ABCB9: variants seen among roughly 807,000 people sequenced by gnomAD.
ABCB9 encodes ABC-type oligopeptide transporter ABCB9.
A neutral mutation model predicts 62.0 loss-of-function variants in ABCB9; 36 were observed. That is an observed-to-expected ratio of 0.58 (90% CI 0.45 to 0.77). ABCB9 has a LOEUF of 0.77. Among genes scored for constraint, ABCB9 ranks in the 30% least tolerant of loss-of-function variants. The probability of loss-of-function intolerance (pLI) is 0.00; values close to 1 mark genes in which losing one functional copy is unlikely to be tolerated. For synonymous variants in ABCB9, 435 were observed against 461.4 expected, an observed-to-expected ratio of 0.94 and a Z score of 0.73; for missense variants, 943 against 1,054.7, an observed-to-expected ratio of 0.89 and a Z score of 1.47.
At chr12:122,925,248 C>G (rs1306067610), downstream of ABCB9, among the ~76,000 whole-genome samples, 5 of 152,114 alleles carry the variant, frequency 3.3e-5, no homozygotes, top group Non-Finnish European at 7.4e-5. Flanking sequence ...AAAACAAAAA[C>G]AAAACCAGAA....
intron 2 of ABCB9, among the ~76,000 whole-genome samples, chr12:122,956,753 C>T (rs564557280): frequency 3.9e-5 from 6 of 152,230 alleles, no homozygotes; most frequent in African/African-American, 9.6e-5. Context: ...CTCCTGACCT[C>T]AGGTGATCCA....
chr12:122,931,772 T>C (rs759042215), intron 11 of ABCB9: 19 of 181,878 alleles, frequency 1.0e-4, no homozygotes, highest in Non-Finnish European at 1.4e-4. Flanking sequence ...GCCTCCCAAG[T>C]AGCTGGGATT....
At chr12:122,962,377 G>A (rs1306248470) in intron 1 of ABCB9, among the ~76,000 whole-genome samples, 1 of 152,188 alleles carries the variant, frequency 6.6e-6, no homozygotes, top group East Asian at 1.9e-4. Flanking sequence ...CCCAAGAGGA[G>A]GGGTGAGGCG....
chr12:122,972,855 A>G (rs1426332670), intron 1 of ABCB9: 1 of 152,232 alleles, frequency 6.6e-6, no homozygotes, highest in Admixed American at 6.5e-5. Context: ...ACACATATAC[A>G]GACATATACA....
At position 122,929,963 on chromosome 12, in the gene ABCB9, T is replaced by C; in HGVS notation, c.2249A>G (p.Asp750Gly). Reference sequence around the variant, plus strand: ...AGGCTCGTTGTGGCCAGCTGTGAAGTCTGCGGCGGGCTGAAGCCCCAGCAT... The same window carrying C: ...AGGCTCGTTGTGGCCAGCTGTGAAGCCTGCGGCGGGCTGAAGCCCCAGCAT... Reference protein sequence around the residue: ...RQMLGLQPAADFTAGHNEPVA... With the variant: ...RQMLGLQPAAGFTAGHNEPVA... The change falls in exon 12 of 12, where the codon GAC becomes GGC. Residue 750 changes from aspartate (D) to glycine (G), a missense_variant. By Grantham distance (94) the Asp-to-Gly change is moderately conservative. Transcript: ENST00000280560. The surrounding 1 kb of genome is among the most constrained non-coding windows in gnomAD (Gnocchi z 6.0). 6.3e-7 allele frequency: 1 copy of C among 1,582,080 alleles called. No individual in the cohort carries two copies. Among genetic ancestry groups the C allele is most frequent in the South Asian group, 1.1e-5 (1 of 87,952 alleles).
chr12:122,935,120 G>A (rs965444302), intron 10 of ABCB9, 152 bp downstream of exon 10: 12 of 922,730 alleles, frequency 1.3e-5, no homozygotes, highest in Admixed American at 9.9e-5. Flanking sequence ...TTGCTTGAGC[G>A]CAGGAGGTTC....
chr12:122,952,970 C>G (rs548001481), intron 2 of ABCB9: 1 of 152,260 alleles, frequency 6.6e-6, no homozygotes, highest in African/African-American at 2.4e-5. Flanking sequence ...TCTTGTTGCT[C>G]CTTGGCTCAA....
chr12:122,933,891 AAG>A (rs1219452554), intron 10 of ABCB9, among the ~76,000 whole-genome samples: 1 of 152,126 alleles, frequency 6.6e-6, no homozygotes, highest in East Asian at 1.9e-4. Context: ...CACTTTTTTA[AAG>A]AGAGAACACT....
intron 10 of ABCB9, among the ~76,000 whole-genome samples, chr12:122,934,425 T>C (rs2035353267): frequency 6.6e-6 from 1 of 152,036 alleles, no homozygotes; most frequent in Admixed American, 6.6e-5. Context: ...CTGGATACAA[T>C]GGCTCATGCC....
chr12:122,937,056 C>A (rs2035492485), intron 9 of ABCB9, among the ~76,000 whole-genome samples: 1 of 151,826 alleles, frequency 6.6e-6, no homozygotes, highest in African/African-American at 2.4e-5. Flanking sequence ...AGAGTGAGAT[C>A]CTATCTCAAA....
chr12:122,966,662 G>T (rs899339914), upstream of ABCB9, among the ~76,000 whole-genome samples: 2 of 152,228 alleles, frequency 1.3e-5, no homozygotes, highest in African/African-American at 4.8e-5. Flanking sequence ...CTGGGGGCGG[G>T]GCCACAGCTG....
At chr12:122,943,600 G>A (rs1458036237) in intron 7 of ABCB9, among the ~76,000 whole-genome samples, 2 of 152,088 alleles carry the variant, frequency 1.3e-5, no homozygotes, top group Non-Finnish European at 2.9e-5. Flanking sequence ...AAAGGGTGTT[G>A]CTGTCACTTG....
chr12:122,947,600 C>A lies in ABCB9; in HGVS notation c.1053+1024G>T. ...GGGTCACAGCCCTGCCTGTCTGAAC[C>A]CAGCCTGTCTGTCCCTTAGGGCTCG... On this transcript the variant is annotated intron_variant, in intron 5 of 11. Transcript: ENST00000280560. The surrounding 1 kb of genome is among the most constrained non-coding windows in gnomAD (Gnocchi z 6.0). 2.9e-6 allele frequency: 1 copy of A among 350,774 alleles called. No homozygotes were observed. The highest frequency in any genetic ancestry group is 6.0e-6 in the Non-Finnish European group (1 of 166,262). The allele number at this position is 350,774 out of a possible 1,614,324, so 21.7% of individuals were successfully genotyped here.
Position 122,949,896 on chromosome 12 carries a change from C to T in ABCB9, c.739G>A (p.Gly247Ser). 1.2e-6 allele frequency: 2 copies of T among 1,614,172 alleles called. No individual in the cohort carries two copies. The highest frequency in any genetic ancestry group is 1.7e-6 in the Non-Finnish European group (2 of 1,179,998). ...GCAAATATGAGGGTAAAAATGCCGCCCCGAATACCTGCGGCAAATGAGCTA... is the reference window on the plus strand; with the variant it reads ...GCAAATATGAGGGTAAAAATGCCGCTCCGAATACCTGCGGCAAATGAGCTA... ...IGSSFAAGIR[G>S]GIFTLIFARL... Residue 247 changes from glycine (G) to serine (S), a missense_variant, in exon 4 of 12, where the codon GGC (glycine) becomes AGC (serine). Physicochemically the swap from Gly to Ser is moderately conservative, Grantham distance 56. Transcript: ENST00000280560.
At chr12:122,928,729 C>T (rs923586247), downstream of ABCB9, among the ~76,000 whole-genome samples, 8 of 152,022 alleles carry the variant, frequency 5.3e-5, no homozygotes, top group Non-Finnish European at 7.4e-5. Context: ...TCAGCTGTCC[C>T]GGGAAGCACA....
At chr12:122,921,039 C>A in exon 12 of ABCB9, 1 of 1,535,366 alleles carries the variant, frequency 6.5e-7, no homozygotes, top group East Asian at 2.4e-5. Flanking sequence ...GCTGGTCATT[C>A]AGATCTAAGA....
Position 122,949,930 on chromosome 12 carries a change from T to C in ABCB9, c.717-12A>G. On this transcript the variant is annotated splice_polypyrimidine_tract_variant and intron_variant, in intron 3 of 11. Coordinates refer to ENST00000280560, the MANE Select transcript of ABCB9 (RefSeq NM_019625.4). ...CTGCGGCAAATGAGCTAATTGCAGA[T>C]AAGAGATATTATAGCACGATGTCCT... 6.2e-7 allele frequency: 1 copy of C among 1,613,872 alleles called. No individual in the cohort carries two copies. The highest frequency in any genetic ancestry group is 8.5e-7 in the Non-Finnish European group (1 of 1,179,832).
At position 122,955,710 on chromosome 12, in the gene ABCB9, T is replaced by G. The variant is rs57105711; in HGVS notation, c.601+3925A>C. On this transcript the variant is annotated intron_variant, in intron 2 of 11. Coordinates refer to ENST00000280560, the MANE Select transcript of ABCB9 (RefSeq NM_019625.4). ...ATGCATAGTTTTTTGGGTTTTTGTT[T>G]TTTTGTTTTTTTTTTTTTTGAGACG... is the stretch of plus-strand genomic sequence containing the variant. Among the ~76,000 whole-genome samples, 558 of 150,906 alleles carry G rather than the reference T, an allele frequency of 3.7e-3. 4 individuals are homozygous for G. Among genetic ancestry groups the G allele is most frequent in the African/African-American group, 0.013 (525 of 40,360 alleles).
At chr12:122,965,521 C>T (rs1479993664) in intron 1 of ABCB9, among the ~76,000 whole-genome samples, 1 of 152,198 alleles carries the variant, frequency 6.6e-6, no homozygotes, top group Non-Finnish European at 1.5e-5. Flanking sequence ...TGGCAGCCCA[C>T]GTGGGGCCCA....
Sources: gnomAD v4.1 joint callset for allele counts (sites outside exome capture counted in the v4.1 genomes callset) on GRCh38, gnomAD v4.1.1 for gene constraint, Gnocchi (gnomAD v3.1) non-coding constraint, MANE v1.5 for transcripts, NCBI Gene and HGNC (gene_info 2026-07-23, HGNC 2026-07-21) for gene names.